The following ACSBG2 variants were observed in gnomAD, a reference collection of about 807,000 sequenced individuals.
ACSBG2 encodes acyl-CoA synthetase bubblegum family member 2.
In ACSBG2, 62 loss-of-function variants were observed where a neutral mutation model predicts 74.7. That is an observed-to-expected ratio of 0.83 (90% CI 0.68 to 1.03). ACSBG2 has a LOEUF of 1.03. ACSBG2 is among the 50% of genes least tolerant of loss of function. ACSBG2 has a pLI of 0.00. For synonymous variants in ACSBG2, 309 were observed against 294.1 expected, an observed-to-expected ratio of 1.05 and a Z score of -0.52; for missense variants, 730 against 817.6, an observed-to-expected ratio of 0.89 and a Z score of 1.31.
At chr19:6,148,233 A>G (rs2089114171) in intron 3 of ACSBG2, 8 of 156,470 alleles carry the variant, frequency 5.1e-5, no homozygotes, top group Admixed American at 5.0e-4. Context: ...TTACTTACCT[A>G]GATGACTGGT....
intron 13 of ACSBG2, 69 bp downstream of exon 13, chr19:6,187,914 C>T: frequency 6.4e-7 from 1 of 1,571,502 alleles, no homozygotes; most frequent in African/African-American, 1.4e-5. Context: ...TCTGAAGAGA[C>T]AGGTCCTTTT....
At chr19:6,154,692 G>C (rs2089362583) in intron 4 of ACSBG2, among the ~76,000 whole-genome samples, 2 of 151,460 alleles carry the variant, frequency 1.3e-5, no homozygotes. Flanking sequence ...TTGTATTTTT[G>C]GTAAAGATGG....
Position 6,187,690 on chromosome 19 carries a change from C to T in ACSBG2, c.1772C>T (p.Thr591Ile). Residue 591 changes from threonine to isoleucine, a missense_variant, in exon 13 of 15, where the codon ACC (threonine) becomes ATC (isoleucine). Transcript: ENST00000588485. ...FCRGLGSQAS[T>I]VTEIVKQQDP... is the part of the protein sequence containing the mutation. ...CGGGGTCTGGGCAGCCAGGCATCCA[C>T]CGTGACTGAGATTGTGAAGCAGCAA... is the stretch of plus-strand genomic sequence containing the variant. 6.2e-7 allele frequency: 1 copy of T among 1,614,172 alleles called. No individual in the cohort carries two copies. The highest frequency in any genetic ancestry group is 8.5e-7 in the Non-Finnish European group (1 of 1,180,030).
In ACSBG2 at chr19:6,151,707, C is replaced by G. The variant is rs1439004771; in HGVS notation, c.298C>G (p.Leu100Val). 6.3e-7 allele frequency: 1 copy of G among 1,594,314 alleles called. No individual in the cohort carries two copies. The highest frequency in any genetic ancestry group is 1.8e-5 in the Admixed American group (1 of 56,404). ...CRKAAKSLIKLGLERFHGVGI... is the reference protein window; with the variant it reads ...CRKAAKSLIKVGLERFHGVGI... Reference sequence around the variant, plus strand: ...TTTCTGTTTGCTTTTTCCTTCCCAGCTGGGTTTGGAGCGTTTCCACGGAGT... The same window carrying G: ...TTTCTGTTTGCTTTTTCCTTCCCAGGTGGGTTTGGAGCGTTTCCACGGAGT... The change falls in exon 4 of 15, where the codon CTG becomes GTG. Residue 100 changes from leucine to valine, a missense_variant and splice_region_variant. Leu to Val is a conservative substitution (Grantham distance 32, BLOSUM62 1). Transcript: ENST00000588485.
intron 7 of ACSBG2, among the ~76,000 whole-genome samples, chr19:6,171,363 G>T (rs953270288): frequency 4.0e-5 from 6 of 151,766 alleles, no homozygotes; most frequent in African/African-American, 1.5e-4. Flanking sequence ...TTGTTCTTTT[G>T]TTCTCATGTT....
intron 7 of ACSBG2, among the ~76,000 whole-genome samples, chr19:6,173,866 A>C (rs2090026813): frequency 6.6e-6 from 1 of 152,014 alleles, no homozygotes; most frequent in African/African-American, 2.4e-5. Flanking sequence ...CCCAAGCCAC[A>C]GGGCTCTGGG....
chr19:6,177,507 C>T (rs1467304097), intron 8 of ACSBG2, 111 bp downstream of exon 8: 35 of 1,132,812 alleles, frequency 3.1e-5, no homozygotes, highest in South Asian at 1.5e-4. Flanking sequence ...CCATGTCTAA[C>T]GGTTTTATCT....
chr19:6,192,248 T>C (rs1301402346), intron 14 of ACSBG2, among the ~76,000 whole-genome samples: 1 of 152,214 alleles, frequency 6.6e-6, no homozygotes, highest in African/African-American at 2.4e-5. Context: ...GGTCTTGCTC[T>C]GTTGCTCAGG....
At chr19:6,162,264 C>CAA (rs57505930) in intron 6 of ACSBG2, among the ~76,000 whole-genome samples, 647 of 62,618 alleles carry the variant, frequency 0.01, 13 homozygotes, top group South Asian at 0.017. Context: ...GACTCTGTCT[C>CAA]AAAAAAAAAA....
intron 11 of ACSBG2, among the ~76,000 whole-genome samples, chr19:6,186,806 G>T (rs1191848273): frequency 6.6e-6 from 1 of 152,058 alleles, no homozygotes; most frequent in Non-Finnish European, 1.5e-5. Flanking sequence ...CCAGGCTCAG[G>T]TGATTCTCCC....
chr19:6,190,728 A>G (rs1480055405), intron 14 of ACSBG2, 36 bp downstream of exon 14: 13 of 1,421,268 alleles, frequency 9.1e-6, no homozygotes, highest in Non-Finnish European at 1.3e-5. Context: ...TGGGCTATGC[A>G]TTCAGAGTCC....
Position 6,182,774 on chromosome 19 carries a change from G to C in ACSBG2, c.930G>C (p.Lys310Asn). 6.2e-7 allele frequency: 1 copy of C among 1,614,148 alleles called. No homozygotes were observed. Residue 310 changes from lysine (K) to asparagine (N), a missense_variant, in exon 9 of 15, where the codon AAG becomes AAC. Physicochemically the swap from Lys to Asn is moderately conservative, Grantham distance 94. Coordinates refer to ENST00000588485, the MANE Select transcript of ACSBG2 (RefSeq NM_030924.5). Reference sequence around the variant, plus strand: ...AGGGCACCTTGGTAAGTACTCTAAAGGAGGTAAAACCTACTGTCTTCATTG... The same window carrying C: ...AGGGCACCTTGGTAAGTACTCTAAACGAGGTAAAACCTACTGTCTTCATTG... ...ALKGTLVSTL[K>N]EVKPTVFIGV...
chr19:6,163,121 AAAT>A (rs71917482), intron 6 of ACSBG2, among the ~76,000 whole-genome samples: 57,431 of 121,890 alleles, frequency 0.47, 14,169 homozygotes, highest in Admixed American at 0.56. Context: ...CTAAAAATAC[AAAT>A]AATAATAATA....
intron 3 of ACSBG2, among the ~76,000 whole-genome samples, chr19:6,149,504 CTT>C (rs556996493): frequency 1.3e-3 from 168 of 127,868 alleles, no homozygotes; most frequent in Middle Eastern, 7.9e-3. Context: ...ACATGTGCAA[CTT>C]TTTTTTTTTT....
chr19:6,173,194 G>GC (rs999664972), intron 7 of ACSBG2, among the ~76,000 whole-genome samples: 17 of 152,208 alleles, frequency 1.1e-4, no homozygotes, highest in Admixed American at 8.5e-4. Context: ...GGATCCTGCG[G>GC]CCCCCCAGAG....
chr19:6,183,992 G>A (rs945827125), intron 10 of ACSBG2, among the ~76,000 whole-genome samples: 2 of 152,012 alleles, frequency 1.3e-5, no homozygotes, highest in Non-Finnish European at 2.9e-5. Flanking sequence ...TTGTAGAGAT[G>A]GGGTCTTGCC....
At chr19:6,169,274 C>T (rs1030408407) in intron 7 of ACSBG2, among the ~76,000 whole-genome samples, 1 of 152,072 alleles carries the variant, frequency 6.6e-6, no homozygotes, top group Non-Finnish European at 1.5e-5. Context: ...AGAATTTTTC[C>T]TAGGTTTTCT....
At position 6,183,216 on chromosome 19, in the gene ACSBG2, G is replaced by T; in HGVS notation, c.1266G>T (p.Leu422Phe). 6.2e-7 allele frequency: 1 copy of T among 1,614,156 alleles called. No homozygotes were observed. The highest frequency in any genetic ancestry group is 1.1e-5 in the South Asian group (1 of 91,082). The change falls in exon 10 of 15, where the codon TTG (leucine) becomes TTT (phenylalanine). Residue 422 changes from leucine (L) to phenylalanine (F), a missense_variant. Coordinates refer to ENST00000588485, the MANE Select transcript of ACSBG2 (RefSeq NM_030924.5). ...TACCTATAGGCGAGTTGTATGGGTTGAGTGAGAGCTCGGGACCCCACACGA... is the reference window on the plus strand; with the variant it reads ...TACCTATAGGCGAGTTGTATGGGTTTAGTGAGAGCTCGGGACCCCACACGA... The part of the protein sequence containing the change: ...LDIPIGELYG[L>F]SESSGPHTIS...
intron 7 of ACSBG2, among the ~76,000 whole-genome samples, chr19:6,169,552 G>C (rs887863804): frequency 2.0e-5 from 3 of 152,090 alleles, no homozygotes; most frequent in Non-Finnish European, 4.4e-5. Context: ...TTTTGCTTAG[G>C]ATTGCTCTAT....
Sources: gnomAD v4.1 joint callset for allele counts (sites outside exome capture counted in the v4.1 genomes callset) on GRCh38, gnomAD v4.1.1 for gene constraint, MANE v1.5 for transcripts, NCBI Gene and HGNC (gene_info 2026-07-23, HGNC 2026-07-21) for gene names.